KIF3C: variants seen among roughly 807,000 people sequenced by gnomAD.
The protein encoded by KIF3C is kinesin family member 3C.
In KIF3C, 12 loss-of-function variants were observed where a neutral mutation model predicts 67.7. The observed-to-expected ratio is 0.18, with a 90% CI of 0.11 to 0.29. The LOEUF (loss-of-function observed/expected upper bound fraction) is 0.29. Ranked by LOEUF, KIF3C falls within the 10% of genes least tolerant of loss-of-function variation. KIF3C has a pLI of 1.00. For synonymous variants in KIF3C, 393 were observed against 426.2 expected (o/e 0.92, Z 0.96); for missense variants, 789 against 1,059.6 (o/e 0.74, Z 3.55).
intron 1 of KIF3C, among the ~76,000 whole-genome samples, chr2:25,965,613 C>A (rs1274938507): frequency 1.3e-5 from 2 of 151,588 alleles, no homozygotes; most frequent in African/African-American, 4.9e-5. Flanking sequence ...GCCACCACAC[C>A]CGACTAATTT....
At position 25,958,650 on chromosome 2, in the gene KIF3C, C is replaced by T. The variant is rs1157873571; in HGVS notation, c.1546-2206G>A. Among the ~76,000 whole-genome samples, 1 of 152,204 alleles carries T rather than the reference C, an allele frequency of 6.6e-6. No individual in the cohort carries two copies. Among genetic ancestry groups the T allele is most frequent in the African/African-American group, 2.4e-5 (1 of 41,456 alleles). On this transcript the variant is annotated intron_variant, in intron 1 of 7. Coordinates refer to ENST00000264712, the MANE Select transcript of KIF3C (RefSeq NM_002254.8). The surrounding 1 kb of genome is among the most constrained non-coding windows in gnomAD (Gnocchi z 4.5). ...CTTGGCTTCAAACTACTGAATGGACCTCCATTCCTTACAGGATGAAATCCA... is the reference window on the plus strand; with the variant it reads ...CTTGGCTTCAAACTACTGAATGGACTTCCATTCCTTACAGGATGAAATCCA...
chr2:25,978,022 C>A (rs1559559307), intron 1 of KIF3C, among the ~76,000 whole-genome samples: 1 of 152,152 alleles, frequency 6.6e-6, no homozygotes, highest in Non-Finnish European at 1.5e-5. Context: ...ACTGTTTCAC[C>A]CACTCCCCAG....
chr2:25,929,226 C>T (rs1316240051), intron 7 of KIF3C, 79 bp downstream of exon 7: 1 of 1,524,276 alleles, frequency 6.6e-7, no homozygotes. Context: ...ACCAGCAAAA[C>T]CCTCTTTAGC....
At chr2:25,932,931 C>T (rs1008553923) in intron 5 of KIF3C, among the ~76,000 whole-genome samples, 7 of 151,578 alleles carry the variant, frequency 4.6e-5, no homozygotes, top group East Asian at 2.0e-4. Context: ...TTGCATAAGA[C>T]GAACATATAG....
At position 25,929,937 on chromosome 2, in the gene KIF3C, C is replaced by T; in HGVS notation, c.2115+18G>A. 3 of 1,571,300 alleles carry T rather than the reference C, an allele frequency of 1.9e-6. No homozygotes were observed. Among genetic ancestry groups the T allele is most frequent in the Non-Finnish European group, 2.6e-6 (3 of 1,140,936 alleles). On this transcript the variant is annotated intron_variant, in intron 6 of 7. Coordinates refer to ENST00000264712, the MANE Select transcript of KIF3C (RefSeq NM_002254.8). ...GGCCTCCCTCCCGTAGGCTCTTTCTCCCCTCTCCGCTTCTTACCCTGTACC... is the reference window on the plus strand; with the variant it reads ...GGCCTCCCTCCCGTAGGCTCTTTCTTCCCTCTCCGCTTCTTACCCTGTACC...
chr2:25,971,271 C>CAAA (rs35420433), intron 1 of KIF3C, among the ~76,000 whole-genome samples: 6 of 59,164 alleles, frequency 1.0e-4, no homozygotes, highest in Non-Finnish European at 7.4e-5. Context: ...GACTCTGTCT[C>CAAA]AAAAAAAAAA....
chr2:25,948,506 C>T (rs1663502966), intron 5 of KIF3C, among the ~76,000 whole-genome samples: 1 of 151,626 alleles, frequency 6.6e-6, no homozygotes, highest in Non-Finnish European at 1.5e-5. Context: ...GAGTTATATA[C>T]TCCAGCCTGG....
Position 25,980,753 on chromosome 2 carries a change from G to A in KIF3C, c.1165C>T (p.Arg389Cys), listed in dbSNP as rs768230586. 11 of 1,614,078 alleles carry A rather than the reference G, an allele frequency of 6.8e-6. No individual in the cohort carries two copies. The highest frequency in any genetic ancestry group is 6.7e-5 in the East Asian group (3 of 44,880). ...CTCTTCTCCAGCTGGGCCTTCAGGCGGGCAATCTCCTCTTGGAATTCCCGC... is the reference window on the plus strand; with the variant it reads ...CTCTTCTCCAGCTGGGCCTTCAGGCAGGCAATCTCCTCTTGGAATTCCCGC... ...LLREFQEEIA[R>C]LKAQLEKRGM... The change falls in exon 1 of 8, where the codon CGC becomes TGC. Residue 389 changes from arginine (R) to cysteine (C), a missense_variant. Physicochemically the swap from Arg to Cys is radical, Grantham distance 180. This residue lies in a region of KIF3C where 648 missense variants were observed against 807.8 expected (regional missense o/e 0.80). Transcript: ENST00000264712. This position sits in a 1 kb window ranked among gnomAD's most constrained non-coding sequence, Gnocchi z 7.6.
At position 25,951,802 on chromosome 2, in the gene KIF3C, C is replaced by T; in HGVS notation, c.1993G>A (p.Val665Met). Residue 665 changes from valine to methionine, a missense_variant, in exon 5 of 8, where the codon GTG (valine) becomes ATG (methionine). Coordinates refer to ENST00000264712, the MANE Select transcript of KIF3C (RefSeq NM_002254.8). The part of the protein sequence containing the change: ...EEEQWKFQPL[V>M]PAGVSSSQMK... The stretch of plus-strand genomic sequence containing the variant: ...TTAGAGACTCACACGCCGGCTGGCA[C>T]CAGTGGCTGGAACTTCCACTGCTCC... The T allele has an allele frequency of 6.2e-7, 1 of 1,612,476 alleles. No individual in the cohort carries two copies. The highest frequency in any genetic ancestry group is 8.5e-7 in the Non-Finnish European group (1 of 1,178,702).
At chr2:25,960,609 G>GA (rs1663919164) in intron 1 of KIF3C, among the ~76,000 whole-genome samples, 1 of 152,102 alleles carries the variant, frequency 6.6e-6, no homozygotes, top group African/African-American at 2.4e-5. Context: ...GCTTTCACTG[G>GA]AAAAATGATA....
rs191850381 is a variant in KIF3C, at chr2:25,929,360, A to G, written c.2233T>C (p.Leu745=). ...RALHMERLMR[L]DSFLERPSTS... is the part of the protein sequence containing the mutation. ...GAAGGTCTTTCCAGAAAGCTGTCCAATCGCATGAGCCTCTCCATGTGTAGC... is the reference window on the plus strand; with the variant it reads ...GAAGGTCTTTCCAGAAAGCTGTCCAGTCGCATGAGCCTCTCCATGTGTAGC... Residue 745 remains leucine, a synonymous_variant, in exon 7 of 8, where the codon TTG becomes CTG. Coordinates refer to ENST00000264712, the MANE Select transcript of KIF3C (RefSeq NM_002254.8). 68 of 1,614,152 alleles carry G rather than the reference A, an allele frequency of 4.2e-5. No individual in the cohort carries two copies. The Admixed American group carries it at 1.1e-3, about 27-fold the overall frequency.
intron 4 of KIF3C, among the ~76,000 whole-genome samples, chr2:25,952,806 C>T (rs1663657998): frequency 6.6e-6 from 1 of 151,968 alleles, no homozygotes; most frequent in South Asian, 2.1e-4. Flanking sequence ...GATCCACCTG[C>T]CTCAGCCTCC....
intron 7 of KIF3C, 59 bp downstream of exon 7, chr2:25,929,246 C>G (rs1225417102): frequency 6.4e-7 from 1 of 1,562,642 alleles, no homozygotes; most frequent in East Asian, 2.3e-5. Flanking sequence ...CATCACCCAG[C>G]GCCTGCAGTT....
At chr2:25,953,895 T>G (rs1039599560) in intron 4 of KIF3C, among the ~76,000 whole-genome samples, 5 of 148,340 alleles carry the variant, frequency 3.4e-5, no homozygotes, top group African/African-American at 1.0e-4. Context: ...CTCAAACTCC[T>G]GACCTCAGGT....
At chr2:25,973,601 T>C (rs908280328) in intron 1 of KIF3C, among the ~76,000 whole-genome samples, 7 of 149,882 alleles carry the variant, frequency 4.7e-5, no homozygotes, top group Non-Finnish European at 1.0e-4. Context: ...TACAACTCAA[T>C]GAATTTGGGG....
Position 25,979,965 on chromosome 2 carries a change from G to C in KIF3C, c.1545+408C>G, listed in dbSNP as rs374252356. ...ACTAACCAAATGATATTATTAAAAC[G>C]ACGTGAGGTTTGAAGATGCTGCAGA... is the stretch of plus-strand genomic sequence containing the variant. On this transcript the variant is annotated intron_variant, in intron 1 of 7. Transcript: ENST00000264712. Among the ~76,000 whole-genome samples, 27 of 152,290 alleles carry C rather than the reference G, an allele frequency of 1.8e-4. No individual in the cohort carries two copies. In the East Asian group the frequency reaches 3.9e-3, roughly 22 times the overall value.
chr2:25,933,544 A>T (rs2090479543), intron 5 of KIF3C, among the ~76,000 whole-genome samples: 1 of 151,914 alleles, frequency 6.6e-6, no homozygotes, highest in Non-Finnish European at 1.5e-5. Flanking sequence ...GTATGGTAGC[A>T]CACACCTGTA....
chr2:25,939,410 T>G (rs891670349), intron 5 of KIF3C, among the ~76,000 whole-genome samples: 2 of 152,266 alleles, frequency 1.3e-5, no homozygotes, highest in East Asian at 3.9e-4. Flanking sequence ...TCCACCTTGT[T>G]CCACTGCCCT....
Position 25,956,564 on chromosome 2 carries a change from G to T in KIF3C, c.1546-120C>A, listed in dbSNP as rs146141807. ...GGGAGTGGACACCAGATGTGTCCCA[G>T]ATGGGGCCTTGTGGCTTTCAGGGAG... On this transcript the variant is annotated intron_variant, in intron 1 of 7. Coordinates refer to ENST00000264712, the MANE Select transcript of KIF3C (RefSeq NM_002254.8). 16 of 715,324 alleles carry T rather than the reference G, an allele frequency of 2.2e-5. No individual in the cohort carries two copies. In the South Asian group the frequency reaches 2.4e-4, roughly 11 times the overall value. 44.3% of individuals were successfully genotyped at this position (715,324 alleles called of 1,614,324 possible).
Sources: allele counts gnomAD v4.1 joint callset (sites outside exome capture counted in the v4.1 genomes callset), GRCh38; gene constraint gnomAD v4.1.1; regional missense constraint gnomAD v4.1.1; non-coding constraint Gnocchi (gnomAD v3.1); transcripts MANE v1.5; gene names NCBI Gene and HGNC (gene_info 2026-07-23, HGNC 2026-07-21).